Variants in CDKAL1 observed in about 807,000 individuals in gnomAD.
CDKAL1 encodes threonylcarbamoyladenosine tRNA methylthiotransferase.
A neutral mutation model predicts 68.2 loss-of-function variants in CDKAL1; 32 were observed. The ratio of observed to expected loss-of-function variants is 0.47; its 90% CI spans 0.35 to 0.63. CDKAL1 has a LOEUF of 0.63. Ranked by LOEUF, CDKAL1 falls within the 30% of genes least tolerant of loss-of-function variation. The pLI, the probability that CDKAL1 is intolerant of heterozygous loss-of-function variation, is 0.00. For synonymous variants in CDKAL1, 234 were observed against 244.3 expected, an observed-to-expected ratio of 0.96 and a Z score of 0.39; for missense variants, 606 against 696.7, an observed-to-expected ratio of 0.87 and a Z score of 1.47.
At chr6:20,907,586 C>T (rs1364456449) in intron 9 of CDKAL1, among the ~76,000 whole-genome samples, 5 of 152,056 alleles carry the variant, frequency 3.3e-5, no homozygotes, top group East Asian at 1.9e-4. Flanking sequence ...CTAGGAGGTA[C>T]GTGTAGCAGT....
chr6:20,857,257 T>C (rs534754763), intron 9 of CDKAL1, among the ~76,000 whole-genome samples: 2 of 152,334 alleles, frequency 1.3e-5, no homozygotes, highest in South Asian at 2.1e-4. Flanking sequence ...GTTAATCATT[T>C]CTGGTAGTGT....
chr6:20,707,619 G>A (rs1771661493), intron 5 of CDKAL1, among the ~76,000 whole-genome samples: 2 of 152,246 alleles, frequency 1.3e-5, no homozygotes, highest in African/African-American at 2.4e-5. Flanking sequence ...AGGACGAAAG[G>A]TGTAAACAAG....
chr6:20,821,054 G>A (rs1364687574), intron 8 of CDKAL1, among the ~76,000 whole-genome samples: 6 of 152,092 alleles, frequency 3.9e-5, no homozygotes, highest in East Asian at 1.9e-4. Flanking sequence ...GGGTCTCAGC[G>A]AAGCAAAAGG....
chr6:20,855,982 G>A lies in CDKAL1; in HGVS notation c.742+9804G>A, dbSNP rs1476510035. ...CTGTGTTCTCTATCAAGATCCTGAG[G>A]TGCCCATATTCTGCTTTGATTGAGT... On this transcript the variant is annotated intron_variant, in intron 9 of 15. Transcript: ENST00000274695. Among the ~76,000 whole-genome samples, 5 of 152,252 alleles carry A rather than the reference G, an allele frequency of 3.3e-5. No individual in the cohort carries two copies. In the East Asian group the frequency reaches 5.8e-4, roughly 18 times the overall value.
intron 13 of CDKAL1, among the ~76,000 whole-genome samples, chr6:21,161,344 A>G (rs980536334): frequency 4.6e-5 from 7 of 152,144 alleles, no homozygotes; most frequent in African/African-American, 9.7e-5. Flanking sequence ...ATAAGTAACA[A>G]TGACTTTCTG....
intron 13 of CDKAL1, among the ~76,000 whole-genome samples, chr6:21,154,030 T>C (rs375091143): frequency 1.3e-5 from 2 of 152,314 alleles, no homozygotes; most frequent in East Asian, 3.9e-4. Flanking sequence ...TGCCTTTTAC[T>C]AGCTGTGTAC....
intron 9 of CDKAL1, among the ~76,000 whole-genome samples, chr6:20,881,760 C>T (rs1478866115): frequency 6.6e-6 from 1 of 152,002 alleles, no homozygotes; most frequent in Non-Finnish European, 1.5e-5. Flanking sequence ...CATGTCTATA[C>T]TCTTTGTTTT....
chr6:20,818,997 C>T (rs924778280), intron 8 of CDKAL1, among the ~76,000 whole-genome samples: 3 of 152,002 alleles, frequency 2.0e-5, no homozygotes, highest in African/African-American at 7.2e-5. Context: ...GGTTGATTTA[C>T]ACTTTAAAAT....
At chr6:20,668,000 A>G (rs1455752933) in intron 5 of CDKAL1, among the ~76,000 whole-genome samples, 2 of 151,994 alleles carry the variant, frequency 1.3e-5, no homozygotes, top group Non-Finnish European at 2.9e-5. Flanking sequence ...ACAAATGACT[A>G]TGTCAATACC....
chr6:20,628,283 TTTTTTGAGTG>T (rs1767519177), intron 4 of CDKAL1, among the ~76,000 whole-genome samples: 1 of 152,138 alleles, frequency 6.6e-6, no homozygotes, highest in South Asian at 2.1e-4. Context: ...TAGTTCTAGT[TTTTTTGAGTG>T]TTTTTACCTT....
rs571411875 is a variant in CDKAL1 at position 20,948,670 on chromosome 6, T to A, written c.743-6749T>A. 3.3e-5 allele frequency among the ~76,000 whole-genome samples: 5 copies of A among 152,350 alleles called. No individual in the cohort carries two copies. In the East Asian group the frequency reaches 9.6e-4, roughly 29 times the overall value. ...CTGTTGTGATTTTTAAAGATAGAAT[T>A]ACACCTCTCTCGACATCCTGCTGAA... On this transcript the variant is annotated intron_variant, in intron 9 of 15. Transcript: ENST00000274695.
At chr6:20,991,982 C>G (rs920816046) in intron 10 of CDKAL1, among the ~76,000 whole-genome samples, 15 of 141,884 alleles carry the variant, frequency 1.1e-4, no homozygotes, top group Non-Finnish European at 2.1e-4. Flanking sequence ...TTAAGAGATT[C>G]TTAATTTAAG....
At chr6:21,120,211 C>T (rs1338998198) in intron 13 of CDKAL1, among the ~76,000 whole-genome samples, 1 of 152,186 alleles carries the variant, frequency 6.6e-6, no homozygotes, top group African/African-American at 2.4e-5. Context: ...GGCAGGGGCC[C>T]CGTCTCCCCG....
chr6:20,872,644 GCCTTGTGT>G (rs1327850925), intron 9 of CDKAL1, among the ~76,000 whole-genome samples: 1 of 152,156 alleles, frequency 6.6e-6, no homozygotes, highest in African/African-American at 2.4e-5. Context: ...AATTATTGAA[GCCTTGTGT>G]CCTATTCGTT....
chr6:21,014,068 G>A (rs1285119928), intron 11 of CDKAL1, among the ~76,000 whole-genome samples: 1 of 152,138 alleles, frequency 6.6e-6, no homozygotes, highest in Non-Finnish European at 1.5e-5. Flanking sequence ...GGAAGAAGGA[G>A]AAAGAGTTAA....
chr6:20,994,686 A>G (rs553383077), intron 10 of CDKAL1, among the ~76,000 whole-genome samples: 1 of 152,356 alleles, frequency 6.6e-6, no homozygotes, highest in African/African-American at 2.4e-5. Context: ...TTAGTTTCCT[A>G]GTGTATGTAA....
At chr6:20,575,532 T>C (rs1276092293) in intron 4 of CDKAL1, among the ~76,000 whole-genome samples, 1 of 151,846 alleles carries the variant, frequency 6.6e-6, no homozygotes, top group Non-Finnish European at 1.5e-5. Flanking sequence ...GAAATTCATA[T>C]GATTTTTCTC....
At chr6:20,936,579 A>G (rs1261875538) in intron 9 of CDKAL1, among the ~76,000 whole-genome samples, 1 of 151,972 alleles carries the variant, frequency 6.6e-6, no homozygotes, top group African/African-American at 2.4e-5. Context: ...CCCTTGGGGA[A>G]CTTCACATGG....
intron 13 of CDKAL1, among the ~76,000 whole-genome samples, chr6:21,127,735 G>A (rs1409757486): frequency 2.6e-5 from 4 of 152,156 alleles, no homozygotes; most frequent in African/African-American, 7.2e-5. Flanking sequence ...GGGTGACAGA[G>A]TGAGACTCTA....
Sources: allele counts gnomAD v4.1 joint callset (sites outside exome capture counted in the v4.1 genomes callset), GRCh38; gene constraint gnomAD v4.1.1; transcripts MANE v1.5; gene names NCBI Gene and HGNC (gene_info 2026-07-23, HGNC 2026-07-21).